The following DCDC2 variants were observed in gnomAD, a reference collection of about 807,000 sequenced individuals.
DCDC2 encodes the protein doublecortin domain containing 2, also known as doublecortin domain-containing protein 2.
In DCDC2, 40 loss-of-function variants were observed where a neutral mutation model predicts 50.2. The ratio of observed to expected loss-of-function variants is 0.80; its 90% confidence interval spans 0.62 to 1.04. The LOEUF is 1.04. Among genes scored for constraint, DCDC2 ranks in the 50% least tolerant of loss-of-function variants. DCDC2 has a pLI of 0.00. For synonymous variants in DCDC2, 234 were observed against 210.6 expected (o/e 1.11, Z -0.96); for missense variants, 570 against 581.9 (o/e 0.98, Z 0.21).
chr6:24,230,700 A>G (rs1561899360), intron 7 of DCDC2, among the ~76,000 whole-genome samples: 1 of 152,228 alleles, frequency 6.6e-6, no homozygotes, highest in East Asian at 1.9e-4. Flanking sequence ...ATTGGATATC[A>G]GAGGGGAGAC....
At chr6:24,262,586 C>T (rs545403433) in intron 7 of DCDC2, among the ~76,000 whole-genome samples, 7 of 152,276 alleles carry the variant, frequency 4.6e-5, no homozygotes, top group Admixed American at 2.0e-4. Flanking sequence ...CAGCTCGCAG[C>T]TTTGGGAGAG....
chr6:24,325,729 A>G (rs1244417236), intron 2 of DCDC2, among the ~76,000 whole-genome samples: 1 of 149,444 alleles, frequency 6.7e-6, no homozygotes, highest in Admixed American at 6.7e-5. Context: ...TCTCTTCTTC[A>G]TCACATTCAC....
At chr6:24,359,379 T>TTTATATA (rs1157603873), upstream of DCDC2, among the ~76,000 whole-genome samples, 1 of 79,024 alleles carries the variant, frequency 1.3e-5, no homozygotes, top group African/African-American at 5.1e-5. Flanking sequence ...TTATATATAT[T>TTTATATA]TTATATATTA....
the DCDC2 span, among the ~76,000 whole-genome samples, chr6:24,379,015 C>G: frequency 2.0e-5 from 3 of 148,578 alleles, no homozygotes; most frequent in African/African-American, 7.4e-5. Flanking sequence ...GAAACTGGAT[C>G]CCTTCCTTAC....
At chr6:24,251,451 C>G (rs930272020) in intron 7 of DCDC2, among the ~76,000 whole-genome samples, 7 of 152,184 alleles carry the variant, frequency 4.6e-5, no homozygotes, top group African/African-American at 1.7e-4. Flanking sequence ...GCTGGTATGG[C>G]TAGCCCTAAT....
chr6:24,307,776 T>C (rs1362849789), intron 2 of DCDC2, among the ~76,000 whole-genome samples: 4 of 151,752 alleles, frequency 2.6e-5, no homozygotes, highest in Non-Finnish European at 4.4e-5. Context: ...TTTTTTTCAG[T>C]ATCACTATTT....
chr6:24,294,695 T>C (rs1763824169), intron 4 of DCDC2, among the ~76,000 whole-genome samples: 1 of 152,142 alleles, frequency 6.6e-6, no homozygotes, highest in East Asian at 1.9e-4. Context: ...TATGAACACC[T>C]CTATGCACAC....
chr6:24,333,077 G>A (rs1279147096), intron 2 of DCDC2, among the ~76,000 whole-genome samples: 1 of 152,080 alleles, frequency 6.6e-6, no homozygotes, highest in Admixed American at 6.6e-5. Context: ...GGGTAAATAT[G>A]AGCAAAAAAG....
chr6:24,174,675 G>A lies in DCDC2; in HGVS notation c.*55C>T. The A allele has an allele frequency of 8.2e-7, 1 of 1,225,588 alleles. No homozygotes were observed. Among genetic ancestry groups the A allele is most frequent in the Non-Finnish European group, 1.2e-6 (1 of 836,666 alleles). 75.9% of individuals were successfully genotyped at this position (1,225,588 alleles called of 1,614,324 possible). A position where few individuals can be genotyped will look rare whatever the true frequency, so the allele number is the denominator to read the frequency against. On this transcript the variant is annotated 3_prime_UTR_variant, in exon 10 of 10. Coordinates refer to ENST00000378454, the MANE Select transcript of DCDC2 (RefSeq NM_016356.5). ...CAATAACTATGTGCTTATCTTTCAAGTATGATAACCCTTCATTTTTCTTGC... is the reference window on the plus strand; with the variant it reads ...CAATAACTATGTGCTTATCTTTCAAATATGATAACCCTTCATTTTTCTTGC...
At chr6:24,264,959 G>A (rs1383457055) in intron 7 of DCDC2, among the ~76,000 whole-genome samples, 1 of 151,866 alleles carries the variant, frequency 6.6e-6, no homozygotes, top group Non-Finnish European at 1.5e-5. Context: ...CCATAAAAGA[G>A]CAAAAATAGC....
intron 6 of DCDC2, among the ~76,000 whole-genome samples, chr6:24,279,935 C>T (rs1272984565): frequency 6.6e-6 from 1 of 152,172 alleles, no homozygotes; most frequent in African/African-American, 2.4e-5. Flanking sequence ...TATTAGAATG[C>T]TGTCTTCAAG....
At chr6:24,309,122 C>T (rs1759526776) in intron 2 of DCDC2, among the ~76,000 whole-genome samples, 1 of 152,006 alleles carries the variant, frequency 6.6e-6, no homozygotes, top group South Asian at 2.1e-4. Flanking sequence ...GTCAGGAGTT[C>T]AAGACCAGCC....
chr6:24,318,188 T>C (rs1759707452), intron 2 of DCDC2, among the ~76,000 whole-genome samples: 1 of 145,856 alleles, frequency 6.9e-6, no homozygotes. Flanking sequence ...GAGACAAAAA[T>C]ACATATTCAC....
At chr6:24,378,193 A>G in the DCDC2 span, among the ~76,000 whole-genome samples, 1 of 152,230 alleles carries the variant, frequency 6.6e-6, no homozygotes, top group Non-Finnish European at 1.5e-5. Context: ...GAGTTTAGTC[A>G]GTGCCTCACT....
intron 2 of DCDC2, among the ~76,000 whole-genome samples, chr6:24,339,104 A>G (rs1464703637): frequency 6.6e-6 from 1 of 152,028 alleles, no homozygotes; most frequent in Non-Finnish European, 1.5e-5. Flanking sequence ...ATGTTTCTCA[A>G]ATGTACCCTG....
chr6:24,221,556 T>C (rs1158146200), intron 7 of DCDC2, among the ~76,000 whole-genome samples: 2 of 152,214 alleles, frequency 1.3e-5, no homozygotes, highest in African/African-American at 2.4e-5. Flanking sequence ...CACTGTTTCA[T>C]ATCCACTTCC....
In DCDC2 at chr6:24,179,725, C is replaced by T. The variant is rs547704154; in HGVS notation, c.1024-1093G>A. Among the ~76,000 whole-genome samples the T allele has an allele frequency of 2.6e-4, 39 of 150,654 alleles. 1 individual carries two copies. In the East Asian group the frequency reaches 4.3e-3, roughly 17 times the overall value. On this transcript the variant is annotated intron_variant, in intron 8 of 9. Coordinates refer to ENST00000378454, the MANE Select transcript of DCDC2 (RefSeq NM_016356.5). ...ATCCCAGCACTTTGGGAGGCCGAGG[C>T]GGGCAGATCACGAGGTCAGGAGATT...
At chr6:24,202,834 A>G (rs1378586763) in intron 8 of DCDC2, among the ~76,000 whole-genome samples, 1 of 152,128 alleles carries the variant, frequency 6.6e-6, no homozygotes, top group African/African-American at 2.4e-5. Flanking sequence ...ATTCCTATAC[A>G]CCAGTAATAG....
intron 2 of DCDC2, among the ~76,000 whole-genome samples, chr6:24,345,563 C>T (rs1335685892): frequency 6.6e-6 from 1 of 152,112 alleles, no homozygotes; most frequent in Non-Finnish European, 1.5e-5. Flanking sequence ...ATACCTATCT[C>T]AATGTATTCA....
Sources: gnomAD v4.1 joint callset for allele counts (sites outside exome capture counted in the v4.1 genomes callset) on GRCh38, gnomAD v4.1.1 for gene constraint, MANE v1.5 for transcripts, NCBI Gene and HGNC (gene_info 2026-07-23, HGNC 2026-07-21) for gene names.